ADCYAP1R1: variants seen among roughly 807,000 people sequenced by gnomAD.
ADCYAP1R1 encodes the protein pituitary adenylate cyclase-activating polypeptide type I receptor.
Under a neutral mutation model 67.6 loss-of-function variants are expected in ADCYAP1R1, and 44 were observed. That is an observed-to-expected ratio of 0.65 (90% confidence interval 0.51 to 0.84). The LOEUF is 0.84. Ranked by LOEUF, ADCYAP1R1 falls within the 40% of genes least tolerant of loss-of-function variation. The pLI, the probability that ADCYAP1R1 is intolerant of heterozygous loss-of-function variation, is 0.00. For synonymous variants in ADCYAP1R1, 222 were observed against 219.6 expected, an observed-to-expected ratio of 1.01 and a Z score of -0.10; for missense variants, 477 against 587.9, an observed-to-expected ratio of 0.81 and a Z score of 1.95.
At chr7:31,101,995 C>A (rs12666266) in intron 13 of ADCYAP1R1, among the ~76,000 whole-genome samples, 29,137 of 152,186 alleles carry the variant, frequency 0.19, 3,737 homozygotes, top group East Asian at 0.58. Flanking sequence ...GCTCCTCCTC[C>A]CCCTGTGTCT....
intron 3 of ADCYAP1R1, among the ~76,000 whole-genome samples, chr7:31,068,538 G>A (rs1030787387): frequency 1.3e-5 from 2 of 152,194 alleles, no homozygotes; most frequent in Admixed American, 6.5e-5. Context: ...CTGGAAAGAG[G>A]CCTTGGGAGA....
At chr7:31,070,693 G>C (rs1441918755) in intron 3 of ADCYAP1R1, among the ~76,000 whole-genome samples, 1 of 152,188 alleles carries the variant, frequency 6.6e-6, no homozygotes, top group African/African-American at 2.4e-5. Flanking sequence ...TCTGACACAG[G>C]GTGTCACTTC....
chr7:31,064,311 TCTC>T (rs2128617382), intron 2 of ADCYAP1R1, among the ~76,000 whole-genome samples: 1 of 152,304 alleles, frequency 6.6e-6, no homozygotes, highest in African/African-American at 2.4e-5. Flanking sequence ...CCACTTGTTT[TCTC>T]CTCTAAACTG....
Position 31,071,787 on chromosome 7 carries a change from A to G in ADCYAP1R1, c.158-6204A>G, listed in dbSNP as rs558292163. On this transcript the variant is annotated intron_variant, in intron 3 of 15. Coordinates refer to ENST00000304166, the MANE Select transcript of ADCYAP1R1 (RefSeq NM_001118.5). Reference sequence around the variant, plus strand: ...CTCCCTGCCCTCTTCTCCAGTTGCTACTTCTCTAGACTCTAGACTTTTTTC... The same window carrying G: ...CTCCCTGCCCTCTTCTCCAGTTGCTGCTTCTCTAGACTCTAGACTTTTTTC... Among the ~76,000 whole-genome samples the G allele has an allele frequency of 7.2e-5, 11 of 152,118 alleles. 1 individual carries two copies. In the South Asian group the frequency reaches 2.3e-3, roughly 32 times the overall value.
chr7:31,064,905 T>A lies in ADCYAP1R1; in HGVS notation c.126T>A (p.Asn42Lys). ...GCCTGGAGAAGATCCAGAGGGCCAATGAGCTGATGGGCTTCAATGATTCCT... is the reference window on the plus strand; with the variant it reads ...GCCTGGAGAAGATCCAGAGGGCCAAAGAGCTGATGGGCTTCAATGATTCCT... ...AMCLEKIQRANELMGFNDSSP... is the reference protein window; with the variant it reads ...AMCLEKIQRAKELMGFNDSSP... The change falls in exon 3 of 16, where the codon AAT (asparagine) becomes AAA (lysine). Residue 42 changes from asparagine (N) to lysine (K), a missense_variant. Asn to Lys is a moderately conservative substitution (Grantham distance 94, BLOSUM62 0). Transcript: ENST00000304166. The A allele has an allele frequency of 1.2e-6, 2 of 1,611,752 alleles. No individual in the cohort carries two copies. The highest frequency in any genetic ancestry group is 1.7e-6 in the Non-Finnish European group (2 of 1,178,814).
intron 4 of ADCYAP1R1, among the ~76,000 whole-genome samples, chr7:31,079,820 G>A (rs547348341): frequency 6.6e-6 from 1 of 152,318 alleles, no homozygotes; most frequent in South Asian, 2.1e-4. Context: ...TGGGGATTGG[G>A]TGTGACCTGA....
rs1261720611 is a variant in ADCYAP1R1, at chr7:31,052,630, C to A, written c.-120C>A. The A allele has an allele frequency of 6.6e-6, 1 of 151,940 alleles. No homozygotes were observed. Among genetic ancestry groups the A allele is most frequent in the East Asian group, 1.9e-4 (1 of 5,140 alleles). The allele number at this position is 151,940 out of a possible 1,614,324, so 9.4% of individuals were successfully genotyped here. A position where few individuals can be genotyped will look rare whatever the true frequency, so the allele number is the denominator to read the frequency against. ...GGCCGCGGACTTGCAGGCTGCGCGT[C>A]CTTTGCGGAGTCTGCCCCGGCCCCA... On this transcript the variant is annotated 5_prime_UTR_variant, in exon 1 of 16. Transcript: ENST00000304166.
At chr7:31,075,531 C>T (rs946533468) in intron 3 of ADCYAP1R1, among the ~76,000 whole-genome samples, 1 of 152,190 alleles carries the variant, frequency 6.6e-6, no homozygotes, top group African/African-American at 2.4e-5. Flanking sequence ...CCTCTGCCCA[C>T]TCCATAAATA....
chr7:31,081,801 C>T (rs376751754), intron 6 of ADCYAP1R1, 47 bp downstream of exon 6: 18 of 1,510,406 alleles, frequency 1.2e-5, no homozygotes, highest in Admixed American at 3.7e-5. Context: ...GGAGGGAGGG[C>T]GTCTGCTGAC....
intron 3 of ADCYAP1R1, among the ~76,000 whole-genome samples, chr7:31,066,702 T>C (rs1298619439): frequency 6.6e-6 from 1 of 152,198 alleles, no homozygotes; most frequent in African/African-American, 2.4e-5. Flanking sequence ...GGGTCTGTCA[T>C]AGTCACCATA....
At chr7:31,098,045 C>T (rs1198289437) in intron 13 of ADCYAP1R1, among the ~76,000 whole-genome samples, 3 of 152,186 alleles carry the variant, frequency 2.0e-5, no homozygotes, top group Non-Finnish European at 2.9e-5. Context: ...GGACTGCAGG[C>T]ACCTGCCACT....
chr7:31,074,004 C>G (rs1413931838), intron 3 of ADCYAP1R1, among the ~76,000 whole-genome samples: 1 of 152,162 alleles, frequency 6.6e-6, no homozygotes, highest in East Asian at 1.9e-4. Context: ...AGGCCCCGGC[C>G]TGGGGTGGGG....
chr7:31,096,780 G>A (rs944249510), intron 13 of ADCYAP1R1, among the ~76,000 whole-genome samples: 1 of 152,154 alleles, frequency 6.6e-6, no homozygotes, highest in Non-Finnish European at 1.5e-5. Flanking sequence ...CTCCGGGGGT[G>A]CACAGCATCT....
chr7:31,087,504 C>A, intron 11 of ADCYAP1R1, 123 bp from the exon 12 acceptor site: 1 of 817,452 alleles, frequency 1.2e-6, no homozygotes, highest in Non-Finnish European at 2.1e-6. Context: ...TTCCAGCCAG[C>A]CCCTCCTCAG....
At chr7:31,073,302 C>G (rs1389733718) in intron 3 of ADCYAP1R1, among the ~76,000 whole-genome samples, 2 of 151,988 alleles carry the variant, frequency 1.3e-5, no homozygotes, top group Non-Finnish European at 1.5e-5. Flanking sequence ...CATTGTCTGA[C>G]TCGGTATGTC....
intron 3 of ADCYAP1R1, among the ~76,000 whole-genome samples, chr7:31,076,767 A>G (rs1795242749): frequency 6.6e-6 from 1 of 152,090 alleles, no homozygotes; most frequent in African/African-American, 2.4e-5. Context: ...GTGGAGCAGC[A>G]GCCTTAGACC....
chr7:31,093,760 T>C lies in ADCYAP1R1; in HGVS notation c.1046+1025T>C, dbSNP rs140674737. Among the ~76,000 whole-genome samples the C allele has an allele frequency of 4.4e-3, 672 of 152,212 alleles. 9 individuals carry two copies. Among genetic ancestry groups the C allele is most frequent in the East Asian group, 0.019 (97 of 5,178 alleles). ...TTCACTGGGTGCCTCATTGGGTCCA[T>C]GGTCCTGCCTTCATCAGAGACCCCA... On this transcript the variant is annotated intron_variant, in intron 13 of 15. Coordinates refer to ENST00000304166, the MANE Select transcript of ADCYAP1R1 (RefSeq NM_001118.5).
In ADCYAP1R1 at chr7:31,106,763, C is replaced by T; in HGVS notation, c.*79C>T. On this transcript the variant is annotated 3_prime_UTR_variant, in exon 16 of 16. Coordinates refer to ENST00000304166, the MANE Select transcript of ADCYAP1R1 (RefSeq NM_001118.5). ...GGTGCCAGCCCACGCATGTTTGCGC[C>T]TCTTCCCTCCCCTTGGGCAGGCCCT... 2 of 1,449,004 alleles carry T rather than the reference C, an allele frequency of 1.4e-6. No individual in the cohort carries two copies. The highest frequency in any genetic ancestry group is 1.4e-5 in the South Asian group (1 of 69,346). The allele number at this position is 1,449,004 out of a possible 1,614,324, so 89.8% of individuals were successfully genotyped here. A position where few individuals can be genotyped will look rare whatever the true frequency, so the allele number is the denominator to read the frequency against.
At position 31,081,728 on chromosome 7, in the gene ADCYAP1R1, G is replaced by A. The variant is rs370642636; in HGVS notation, c.302G>A (p.Gly101Asp). ...ETETIGESDF[G>D]DSNSLDLSDM... ...TATTTTTCAGGAGAGTCTGATTTTGGTGACAGTAACTCCTTAGATCTCTCA... is the reference window on the plus strand; with the variant it reads ...TATTTTTCAGGAGAGTCTGATTTTGATGACAGTAACTCCTTAGATCTCTCA... The change falls in exon 6 of 16, where the codon GGT becomes GAT. Residue 101 changes from glycine to aspartate, a missense_variant. Gly to Asp is a moderately conservative substitution (Grantham distance 94). Coordinates refer to ENST00000304166, the MANE Select transcript of ADCYAP1R1 (RefSeq NM_001118.5). 8 of 1,598,122 alleles carry A rather than the reference G, an allele frequency of 5.0e-6. No individual in the cohort carries two copies. In the East Asian group the frequency reaches 1.1e-4, roughly 23 times the overall value.
Sources: gnomAD v4.1 joint callset for allele counts (sites outside exome capture counted in the v4.1 genomes callset) on GRCh38, gnomAD v4.1.1 for gene constraint, MANE v1.5 for transcripts, NCBI Gene and HGNC (gene_info 2026-07-23, HGNC 2026-07-21) for gene names.